Variants in XK observed in about 807,000 individuals in gnomAD.
XK encodes the protein endoplasmic reticulum membrane adapter protein XK.
A neutral mutation model predicts 14.0 loss-of-function variants in XK; 2 were observed. The observed-to-expected ratio is 0.14, with a 90% CI of 0.06 to 0.45. XK has a LOEUF of 0.45. Among genes scored for constraint, XK ranks in the 20% least tolerant of loss-of-function variants. The pLI, the probability that XK is intolerant of heterozygous loss-of-function variation, is 0.98. For missense variants in XK, 235 were observed against 341.5 expected, an observed-to-expected ratio of 0.69 and a Z score of 2.46; for synonymous variants, 149 against 147.5, an observed-to-expected ratio of 1.01 and a Z score of -0.08.
chrX:37,693,495 G>GTGTGTGTGTGTGTGT (rs1394752511), intron 1 of XK, among the ~76,000 whole-genome samples: 2 of 110,043 alleles, frequency 1.8e-5, no homozygotes, highest in Non-Finnish European at 3.8e-5. Context: ...GTGTGTGTGT[G>GTGTGTGTGTGTGTGT]TGTGTGTATG....
chrX:37,694,582 G>A, intron 2 of XK, 34 bp downstream of exon 2: 1 of 1,176,401 alleles, frequency 8.5e-7, no homozygotes, highest in Non-Finnish European at 1.1e-6. Flanking sequence ...CTGCATTTGG[G>A]GATCAAAATG....
chrX:37,721,579 G>T (rs28998782), intron 2 of XK, among the ~76,000 whole-genome samples: 1,544 of 111,396 alleles, frequency 0.014, 24 homozygotes, highest in African/African-American at 0.047. Context: ...TGGAAAAATT[G>T]GAATCCTCAT....
chrX:37,685,876 GC>G lies in XK; in HGVS notation c.-82del. Reference sequence around the variant, plus strand: ...CGGTTTGGGGCTGGGCATGCTGGGAGCCCCTCGGGCAACGGCCGCCGCCGCC... The same window carrying G: ...CGGTTTGGGGCTGGGCATGCTGGGAGCCCTCGGGCAACGGCCGCCGCCGCC... On this transcript the variant is annotated 5_prime_UTR_variant, in exon 1 of 3. It introduces an in-frame stop codon into an upstream open reading frame of the 5' UTR. Transcript: ENST00000378616. 3 of 1,069,199 alleles carry G rather than the reference GC, an allele frequency of 2.8e-6. No individual in the cohort carries two copies. Among genetic ancestry groups the G allele is most frequent in the Non-Finnish European group, 3.8e-6 (3 of 797,014 alleles). 88.1% of individuals were successfully genotyped at this position (1,069,199 alleles called of 1,213,427 possible).
At chrX:37,705,409 G>A (rs895374160) in intron 2 of XK, among the ~76,000 whole-genome samples, 20 of 108,590 alleles carry the variant, frequency 1.8e-4, no homozygotes, top group Admixed American at 8.8e-4. Context: ...CCGAGCTCGC[G>A]CCACTGGACT....
chrX:37,690,271 G>A (rs1165174324), intron 1 of XK, among the ~76,000 whole-genome samples: 1 of 111,992 alleles, frequency 8.9e-6, no homozygotes, highest in Admixed American at 9.5e-5. Flanking sequence ...GGTTCAGTGA[G>A]ATTAAGCAAG....
In XK at chrX:37,729,971, G is replaced by A. The variant is rs1928055320; in HGVS notation, c.*1509G>A. On this transcript the variant is annotated 3_prime_UTR_variant, in exon 3 of 3. Coordinates refer to ENST00000378616, the MANE Select transcript of XK (RefSeq NM_021083.4). Reference sequence around the variant, plus strand: ...ATAATCAGTTTCCACTACATTCGGAGGTCAAGAAAGCAGTATATATTCTTT... The same window carrying A: ...ATAATCAGTTTCCACTACATTCGGAAGTCAAGAAAGCAGTATATATTCTTT... The A allele has an allele frequency of 9.0e-6, 1 of 111,528 alleles. No homozygotes were observed. Among genetic ancestry groups the A allele is most frequent in the African/African-American group, 3.3e-5 (1 of 30,707 alleles). 9.2% of individuals were successfully genotyped at this position (111,528 alleles called of 1,213,427 possible).
intron 2 of XK, among the ~76,000 whole-genome samples, chrX:37,703,502 A>C (rs1927453843): frequency 8.9e-6 from 1 of 112,102 alleles, no homozygotes; most frequent in Non-Finnish European, 1.9e-5. Flanking sequence ...AAAATGGAAA[A>C]ATTATTTCAA....
intron 2 of XK, among the ~76,000 whole-genome samples, chrX:37,718,320 A>T (rs1448384328): frequency 9.0e-6 from 1 of 111,645 alleles, no homozygotes; most frequent in Non-Finnish European, 1.9e-5. Flanking sequence ...CCTGGGTTTT[A>T]AAATTTTATG....
At chrX:37,721,703 A>G (rs1556448988) in intron 2 of XK, among the ~76,000 whole-genome samples, 2 of 111,465 alleles carry the variant, frequency 1.8e-5, no homozygotes, top group African/African-American at 6.5e-5. Context: ...ACTTCTATAA[A>G]CTCAAGAGAA....
rs939370205 is a variant in XK at position 37,718,436 on chromosome X, A to G, written c.509-9200A>G. On this transcript the variant is annotated intron_variant, in intron 2 of 2. Transcript: ENST00000378616. Reference sequence around the variant, plus strand: ...TTGTTCCTTAGCATTGCTGTATAGGATTCCATTGTATGAATATACCGCAAT... The same window carrying G: ...TTGTTCCTTAGCATTGCTGTATAGGGTTCCATTGTATGAATATACCGCAAT... Among the ~76,000 whole-genome samples the G allele has an allele frequency of 2.7e-5, 3 of 112,281 alleles. No homozygotes were observed. The East Asian group carries it at 8.3e-4, about 31-fold the overall frequency.
chrX:37,723,806 CAT>C (rs1927923939), intron 2 of XK, among the ~76,000 whole-genome samples: 1 of 111,244 alleles, frequency 9.0e-6, no homozygotes, highest in African/African-American at 3.3e-5. Flanking sequence ...CTGGAGAAAA[CAT>C]AAGGACTATG....
intron 2 of XK, among the ~76,000 whole-genome samples, chrX:37,698,785 C>A (rs1484732007): frequency 9.0e-6 from 1 of 111,258 alleles, no homozygotes; most frequent in African/African-American, 3.3e-5. Context: ...TAATCAAATG[C>A]ATATTTTATT....
At chrX:37,710,507 A>C (rs1247468795) in intron 2 of XK, among the ~76,000 whole-genome samples, 1 of 111,890 alleles carries the variant, frequency 8.9e-6, no homozygotes, top group Non-Finnish European at 1.9e-5. Flanking sequence ...AAATGAACAG[A>C]TGTTATGGCC....
chrX:37,721,118 C>T (rs1276057644), intron 2 of XK, among the ~76,000 whole-genome samples: 1 of 110,973 alleles, frequency 9.0e-6, no homozygotes, highest in Non-Finnish European at 1.9e-5. Context: ...ATTCATTTTA[C>T]ACTCCCACCA....
intron 2 of XK, among the ~76,000 whole-genome samples, chrX:37,722,293 G>A (rs1556449112): frequency 1.8e-5 from 2 of 111,136 alleles, no homozygotes; most frequent in African/African-American, 6.5e-5. Flanking sequence ...ACCAATGAAG[G>A]ATTTTTTTTA....
intron 2 of XK, among the ~76,000 whole-genome samples, chrX:37,726,100 C>T (rs1377819540): frequency 9.1e-6 from 1 of 110,483 alleles, no homozygotes; most frequent in Non-Finnish European, 1.9e-5. Context: ...AGAGTGAGCC[C>T]TAATGTAAAT....
intron 2 of XK, among the ~76,000 whole-genome samples, chrX:37,710,873 C>T (rs1053731571): frequency 9.0e-5 from 10 of 111,437 alleles, no homozygotes; most frequent in Non-Finnish European, 1.7e-4. Context: ...GTTACATCGC[C>T]CCACAGAATG....
rs1232485029 is a variant in XK, at chrX:37,705,702, G to A, written c.508+11154G>A. 3.6e-5 allele frequency among the ~76,000 whole-genome samples: 4 copies of A among 110,073 alleles called. No homozygotes were observed. The East Asian group carries it at 1.1e-3, about 31-fold the overall frequency. The stretch of plus-strand genomic sequence containing the variant: ...TATTTCATATTCAGATTTAATCTAG[G>A]GAAGGCTGAGTACCTCTTTTCTTTT... On this transcript the variant is annotated intron_variant, in intron 2 of 2. Coordinates refer to ENST00000378616, the MANE Select transcript of XK (RefSeq NM_021083.4).
At chrX:37,711,144 G>T (rs1232858787) in intron 2 of XK, among the ~76,000 whole-genome samples, 1 of 112,088 alleles carries the variant, frequency 8.9e-6, no homozygotes, top group African/African-American at 3.3e-5. Flanking sequence ...TTAGTTGGAG[G>T]TGTCTGTGGG....
Sources: gnomAD v4.1 joint callset for allele counts (sites outside exome capture counted in the v4.1 genomes callset) on GRCh38, gnomAD v4.1.1 for gene constraint, MANE v1.5 for transcripts, NCBI Gene and HGNC (gene_info 2026-07-23, HGNC 2026-07-21) for gene names.